The following GRID2 variants were observed in gnomAD, a reference collection of about 807,000 sequenced individuals.
GRID2 encodes the protein glutamate ionotropic receptor delta type subunit 2.
In GRID2, 33 loss-of-function variants were observed where a neutral mutation model predicts 114.8. The observed-to-expected ratio is 0.29, with a 90% CI of 0.22 to 0.38. The LOEUF (loss-of-function observed/expected upper bound fraction) is 0.38, where lower values mean the gene tolerates loss of function less well. Ranked by LOEUF, GRID2 falls within the 10% of genes least tolerant of loss-of-function variation. GRID2 has a pLI of 1.00. For missense variants in GRID2, 1,184 were observed against 1,257.7 expected, an observed-to-expected ratio of 0.94 and a Z score of 0.89; for synonymous variants, 505 against 449.9, an observed-to-expected ratio of 1.12 and a Z score of -1.55.
intron 8 of GRID2, among the ~76,000 whole-genome samples, chr4:93,296,390 A>T (rs1754316727): frequency 6.6e-6 from 1 of 151,974 alleles, no homozygotes; most frequent in Non-Finnish European, 1.5e-5. Context: ...TTGAAAGATA[A>T]CTTATGGTTC....
intron 2 of GRID2, among the ~76,000 whole-genome samples, chr4:92,817,824 G>A (rs545328519): frequency 1.6e-4 from 24 of 151,888 alleles, no homozygotes; most frequent in African/African-American, 4.3e-4. Flanking sequence ...GAGCCCTTGC[G>A]TCCAGCCTTG....
At chr4:92,392,238 T>G (rs1730276100) in intron 1 of GRID2, among the ~76,000 whole-genome samples, 1 of 152,136 alleles carries the variant, frequency 6.6e-6, no homozygotes, top group African/African-American at 2.4e-5. Context: ...TAATTCTACA[T>G]AATTCAGTGT....
In GRID2 at chr4:92,542,921, G is replaced by C. The variant is rs561870849; in HGVS notation, c.89-47210G>C. On this transcript the variant is annotated intron_variant, in intron 1 of 15. Coordinates refer to ENST00000282020, the MANE Select transcript of GRID2 (RefSeq NM_001510.4). ...AAATAATAATTCTTGCATATCTAAT[G>C]AGTTTTTATTCATTTTGCATTTTTC... Among the ~76,000 whole-genome samples, 158 of 152,090 alleles carry C rather than the reference G, an allele frequency of 1.0e-3. 1 individual carries two copies. The highest frequency in any genetic ancestry group is 1.8e-3 in the Non-Finnish European group (123 of 68,012).
At chr4:93,683,224 C>G (rs561442032) in intron 14 of GRID2, among the ~76,000 whole-genome samples, 2 of 152,134 alleles carry the variant, frequency 1.3e-5, no homozygotes, top group South Asian at 4.1e-4. Flanking sequence ...TGCTTCTAAA[C>G]TATAACCCTG....
At chr4:92,838,777 A>T (rs929819863) in intron 2 of GRID2, 1 of 152,018 alleles carries the variant, frequency 6.6e-6, no homozygotes, top group Non-Finnish European at 1.5e-5. Context: ...AATCTGGAAG[A>T]AATACCTGCT....
At chr4:93,423,005 G>A in intron 10 of GRID2, 37 bp downstream of exon 10, 2 of 1,400,704 alleles carry the variant, frequency 1.4e-6, no homozygotes, top group South Asian at 1.2e-5. Flanking sequence ...CATACTTAAA[G>A]GTTCAATTAT....
intron 11 of GRID2, among the ~76,000 whole-genome samples, chr4:93,472,550 C>T (rs1166014872): frequency 6.6e-6 from 1 of 151,970 alleles, no homozygotes; most frequent in African/African-American, 2.4e-5. Flanking sequence ...AAAAAGTAAA[C>T]TTATCAGATA....
intron 3 of GRID2, among the ~76,000 whole-genome samples, chr4:93,088,828 C>G (rs540109609): frequency 6.6e-6 from 1 of 151,898 alleles, no homozygotes; most frequent in South Asian, 2.1e-4. Context: ...AACTTGTTCA[C>G]AAAAAACATA....
chr4:93,796,210 C>T (rs1021277954), intron 1 of GRID2, among the ~76,000 whole-genome samples: 13 of 152,144 alleles, frequency 8.5e-5, no homozygotes, highest in Admixed American at 7.9e-4. Context: ...CCACCACCAT[C>T]ATCTAGCTTC....
intron 2 of GRID2, among the ~76,000 whole-genome samples, chr4:92,627,955 G>A (rs936969936): frequency 3.9e-5 from 6 of 152,042 alleles, no homozygotes; most frequent in African/African-American, 1.4e-4. Context: ...TAAAAGATGT[G>A]CAGTGACACA....
chr4:93,417,844 C>A (rs372686289), intron 9 of GRID2, among the ~76,000 whole-genome samples: 2 of 151,478 alleles, frequency 1.3e-5, no homozygotes, highest in African/African-American at 4.9e-5. Flanking sequence ...ATATATTTAT[C>A]TTTTCCATGT....
At chr4:92,452,448 G>T (rs1384906626) in intron 1 of GRID2, among the ~76,000 whole-genome samples, 1 of 151,760 alleles carries the variant, frequency 6.6e-6, no homozygotes, top group Admixed American at 6.6e-5. Context: ...CTCCTGAGTA[G>T]CTGGGATTAC....
In GRID2 at chr4:93,205,844, G is replaced by A. The variant is rs531753526; in HGVS notation, c.736-1560G>A. Among the ~76,000 whole-genome samples the A allele has an allele frequency of 2.9e-4, 44 of 151,988 alleles. No individual in the cohort carries two copies. In the Middle Eastern group the frequency reaches 0.01, roughly 35 times the overall value. ...GTTGTTTCCTGACTTTTTAATGATC[G>A]CCATTCTAACTGCTGTGAGATGGTA... On this transcript the variant is annotated intron_variant, in intron 4 of 15. Coordinates refer to ENST00000282020, the MANE Select transcript of GRID2 (RefSeq NM_001510.4).
chr4:92,420,349 T>C (rs561731447), intron 1 of GRID2, among the ~76,000 whole-genome samples: 3 of 152,284 alleles, frequency 2.0e-5, no homozygotes, highest in African/African-American at 7.2e-5. Context: ...ATAGAAACTA[T>C]TTTTAAATTT....
intron 4 of GRID2, among the ~76,000 whole-genome samples, chr4:93,164,120 TG>T (rs1163002561): frequency 3.3e-5 from 5 of 151,232 alleles, no homozygotes; most frequent in African/African-American, 1.2e-4. Flanking sequence ...TCTGGCTAGA[TG>T]AGAGATGTGT....
intron 8 of GRID2, among the ~76,000 whole-genome samples, chr4:93,263,786 G>A (rs6532394): frequency 0.98 from 148,996 of 152,178 alleles, 72,954 homozygotes; most frequent in East Asian, 1. Flanking sequence ...TACTTAGTTA[G>A]AAACCTTTGT....
intron 4 of GRID2, among the ~76,000 whole-genome samples, chr4:93,145,016 C>T (rs1736081844): frequency 6.6e-6 from 1 of 152,150 alleles, no homozygotes; most frequent in Non-Finnish European, 1.5e-5. Context: ...TCATACCAAG[C>T]TTGTTTCTCA....
chr4:92,507,074 C>T (rs963038020), intron 1 of GRID2, among the ~76,000 whole-genome samples: 3 of 151,908 alleles, frequency 2.0e-5, no homozygotes, highest in African/African-American at 7.2e-5. Context: ...AGTCTACTTT[C>T]ACTATCTCTA....
intron 2 of GRID2, among the ~76,000 whole-genome samples, chr4:92,733,355 T>A (rs1158027552): frequency 6.6e-6 from 1 of 152,098 alleles, no homozygotes; most frequent in African/African-American, 2.4e-5. Flanking sequence ...TTGGCCTTGG[T>A]CTAGAAGAGT....
Sources: allele counts gnomAD v4.1 joint callset (sites outside exome capture counted in the v4.1 genomes callset), GRCh38; gene constraint gnomAD v4.1.1; transcripts MANE v1.5; gene names NCBI Gene and HGNC (gene_info 2026-07-23, HGNC 2026-07-21).